TMEM132B: variants seen among roughly 807,000 people sequenced by gnomAD.
The protein encoded by TMEM132B is transmembrane protein 132B.
TMEM132B carries 18 observed loss-of-function variants against 90.8 expected under a neutral mutation model. The ratio of observed to expected loss-of-function variants is 0.20; its 90% CI spans 0.14 to 0.29. TMEM132B has a LOEUF of 0.29. TMEM132B is among the 10% of genes least tolerant of loss of function. TMEM132B has a pLI of 1.00. For missense variants in TMEM132B, 1,096 were observed against 1,326.8 expected, an observed-to-expected ratio of 0.83 and a Z score of 2.70; for synonymous variants, 504 against 523.3, an observed-to-expected ratio of 0.96 and a Z score of 0.50.
rs530802865 is a variant in TMEM132B at position 125,589,353 on chromosome 12, G to A, written c.1437+5359G>A. Among the ~76,000 whole-genome samples, 1,398 of 151,698 alleles carry A rather than the reference G, an allele frequency of 9.2e-3. 25 individuals are homozygous for A. Among genetic ancestry groups the A allele is most frequent in the South Asian group, 0.078 (373 of 4,802 alleles). ...AAAAATTAGCCGGGCGTAGTGGCGG[G>A]GGCCTGTAGTCCCAGCTACTCGGGA... is the stretch of plus-strand genomic sequence containing the variant. On this transcript the variant is annotated intron_variant, in intron 5 of 8. Coordinates refer to ENST00000682704, the MANE Select transcript of TMEM132B (RefSeq NM_001366854.1).
intron 2 of TMEM132B, among the ~76,000 whole-genome samples, chr12:125,352,115 G>A (rs1021885014): frequency 1.3e-5 from 2 of 152,190 alleles, no homozygotes; most frequent in African/African-American, 4.8e-5. Context: ...TAGACTGTGA[G>A]GTTCAAGTGC....
chr12:125,593,976 G>T (rs1885379049), intron 5 of TMEM132B, among the ~76,000 whole-genome samples: 1 of 152,104 alleles, frequency 6.6e-6, no homozygotes, highest in Non-Finnish European at 1.5e-5. Flanking sequence ...TTTCATGAGT[G>T]TGAAATTATC....
chr12:125,571,051 T>TA (rs1884780726), intron 4 of TMEM132B, among the ~76,000 whole-genome samples: 1 of 152,208 alleles, frequency 6.6e-6, no homozygotes, highest in South Asian at 2.1e-4. Context: ...CATTTCAAAT[T>TA]AAAAAATCTG....
In TMEM132B at chr12:125,653,841, G is replaced by A. The variant is rs746605414; in HGVS notation, c.2383G>A (p.Glu795Lys). ...VGKGNVKVKF[E>K]PSSDEHQGGS... ...TAAAGGAAATGTCAAGGTCAAATTCGAACCAAGTAGTGATGAGCACCAAGG... is the reference window on the plus strand; with the variant it reads ...TAAAGGAAATGTCAAGGTCAAATTCAAACCAAGTAGTGATGAGCACCAAGG... The change falls in exon 9 of 9, where the codon GAA (glutamate) becomes AAA (lysine). Residue 795 changes from glutamate to lysine, a missense_variant. Glu to Lys is a moderately conservative substitution (Grantham distance 56). Transcript: ENST00000682704. The A allele has an allele frequency of 1.9e-5, 31 of 1,614,086 alleles. No homozygotes were observed. In the East Asian group the frequency reaches 4.0e-4, roughly 21 times the overall value.
chr12:125,347,227 T>A (rs1453100146), intron 1 of TMEM132B, among the ~76,000 whole-genome samples: 2 of 152,206 alleles, frequency 1.3e-5, no homozygotes, highest in Admixed American at 1.3e-4. Flanking sequence ...GACTGCATTG[T>A]CCCTGTAATA....
chr12:125,280,672 G>C (rs999637409), intron 1 of TMEM132B, among the ~76,000 whole-genome samples: 1 of 152,216 alleles, frequency 6.6e-6, no homozygotes, highest in Non-Finnish European at 1.5e-5. Flanking sequence ...CGTCTCATTG[G>C]CCAGAGTAGT....
At chr12:125,348,899 G>A (rs1877457126) in intron 1 of TMEM132B, among the ~76,000 whole-genome samples, 1 of 152,146 alleles carries the variant, frequency 6.6e-6, no homozygotes, top group African/African-American at 2.4e-5. Flanking sequence ...CATTCTCATT[G>A]GTATTTCGGA....
At chr12:125,478,000 C>A (rs1881933252) in intron 3 of TMEM132B, among the ~76,000 whole-genome samples, 1 of 152,186 alleles carries the variant, frequency 6.6e-6, no homozygotes, top group Non-Finnish European at 1.5e-5. Context: ...CCAGCAAACT[C>A]CAACAGACCT....
chr12:125,329,985 G>A (rs530322267), intron 1 of TMEM132B, among the ~76,000 whole-genome samples: 6 of 152,240 alleles, frequency 3.9e-5, no homozygotes, highest in African/African-American at 1.4e-4. Context: ...GGGAGAGAGG[G>A]TTTCAATGCA....
At chr12:125,391,338 G>T (rs577598591) in intron 2 of TMEM132B, among the ~76,000 whole-genome samples, 1 of 152,252 alleles carries the variant, frequency 6.6e-6, no homozygotes, top group South Asian at 2.1e-4. Flanking sequence ...GAAAGCAGAG[G>T]TGGCTCACAG....
intron 3 of TMEM132B, among the ~76,000 whole-genome samples, chr12:125,517,680 A>G (rs1883202564): frequency 6.6e-6 from 1 of 152,154 alleles, no homozygotes; most frequent in African/African-American, 2.4e-5. Flanking sequence ...AATTCATATT[A>G]CTGGATGGTA....
intron 1 of TMEM132B, among the ~76,000 whole-genome samples, chr12:125,324,876 T>A (rs1379035729): frequency 6.6e-6 from 1 of 152,158 alleles, no homozygotes; most frequent in Non-Finnish European, 1.5e-5. Flanking sequence ...TCTTATCAGC[T>A]TGAAAGGTGA....
In TMEM132B at chr12:125,350,352, C is replaced by T; in HGVS notation, c.959+9C>T. The T allele has an allele frequency of 1.2e-6, 2 of 1,602,280 alleles. No homozygotes were observed. The highest frequency in any genetic ancestry group is 1.7e-6 in the Non-Finnish European group (2 of 1,174,718). On this transcript the variant is annotated intron_variant, in intron 2 of 8. Coordinates refer to ENST00000682704, the MANE Select transcript of TMEM132B (RefSeq NM_001366854.1). ...GACCAGTTCACTCTTAGGTAAGAGG[C>T]TTTGCCAGGTGGGATGGAACAGAAG...
chr12:125,640,801 AGG>A (rs2137020454), intron 5 of TMEM132B, among the ~76,000 whole-genome samples: 2 of 152,278 alleles, frequency 1.3e-5, no homozygotes, highest in African/African-American at 2.4e-5. Flanking sequence ...CTGCATTGAA[AGG>A]AGAGTGTTGC....
chr12:125,374,519 C>T (rs1284903804), intron 2 of TMEM132B, among the ~76,000 whole-genome samples: 1 of 152,024 alleles, frequency 6.6e-6, no homozygotes, highest in African/African-American at 2.4e-5. Flanking sequence ...TGGATGTCTC[C>T]TGCCACAGTT....
At chr12:125,321,911 C>T (rs117680559) in intron 1 of TMEM132B, among the ~76,000 whole-genome samples, 1 of 152,116 alleles carries the variant, frequency 6.6e-6, no homozygotes, top group East Asian at 1.9e-4. Flanking sequence ...TGGAAACAAC[C>T]TAAATGTCCA....
At chr12:125,199,143 G>A (rs1397192996) in intron 1 of TMEM132B, among the ~76,000 whole-genome samples, 1 of 152,228 alleles carries the variant, frequency 6.6e-6, no homozygotes, top group East Asian at 1.9e-4. Flanking sequence ...CTTAATCACT[G>A]CTGTTTGCTG....
chr12:125,427,861 G>GGC (rs1336300389), intron 3 of TMEM132B, among the ~76,000 whole-genome samples: 1 of 152,232 alleles, frequency 6.6e-6, no homozygotes, highest in East Asian at 1.9e-4. Flanking sequence ...AATTGAACCA[G>GGC]AGGGAATTGG....
chr12:125,526,918 C>T (rs1440012811), intron 4 of TMEM132B, among the ~76,000 whole-genome samples: 4 of 150,590 alleles, frequency 2.7e-5, no homozygotes, highest in African/African-American at 9.8e-5. Flanking sequence ...CTTCCATCCA[C>T]CCATTTACCC....
Sources: gnomAD v4.1 joint callset for allele counts (sites outside exome capture counted in the v4.1 genomes callset) on GRCh38, gnomAD v4.1.1 for gene constraint, MANE v1.5 for transcripts, NCBI Gene and HGNC (gene_info 2026-07-23, HGNC 2026-07-21) for gene names.